The following CAPSL variants were observed in gnomAD, a reference collection of about 807,000 sequenced individuals.
CAPSL encodes the protein calcyphosin-like protein.
Under a neutral mutation model 21.3 loss-of-function variants are expected in CAPSL, and 17 were observed. The observed-to-expected ratio is 0.80, with a 90% confidence interval of 0.55 to 1.20. The LOEUF (loss-of-function observed/expected upper bound fraction) is 1.20. CAPSL is among the 50% of genes most tolerant of loss of function. The probability of loss-of-function intolerance (pLI) is 0.00; values close to 1 mark genes in which losing one functional copy is unlikely to be tolerated. For synonymous variants in CAPSL, 102 were observed against 89.3 expected, an observed-to-expected ratio of 1.14 and a Z score of -0.80; for missense variants, 289 against 259.3, an observed-to-expected ratio of 1.11 and a Z score of -0.79.
At chr5:35,919,224 G>A (rs1214450281) in intron 2 of CAPSL, among the ~76,000 whole-genome samples, 3 of 148,290 alleles carry the variant, frequency 2.0e-5, no homozygotes, top group South Asian at 2.1e-4. Context: ...TCTCAGGAAC[G>A]GATAGCATTC....
intron 2 of CAPSL, among the ~76,000 whole-genome samples, chr5:35,920,028 T>A (rs113631942): frequency 0.016 from 2,502 of 152,254 alleles, 63 homozygotes; most frequent in African/African-American, 0.048. Flanking sequence ...GGTGCTGGTC[T>A]TCCCATTGGA....
intron 2 of CAPSL, among the ~76,000 whole-genome samples, chr5:35,919,088 T>C (rs1460893661): frequency 6.6e-6 from 1 of 150,782 alleles, no homozygotes; most frequent in African/African-American, 2.4e-5. Flanking sequence ...AAAATGACTT[T>C]TGTTTTGTTT....
intron 1 of CAPSL, among the ~76,000 whole-genome samples, chr5:35,929,732 G>A (rs1254509607): frequency 6.6e-6 from 1 of 152,184 alleles, no homozygotes; most frequent in Non-Finnish European, 1.5e-5. Flanking sequence ...ATGCTTTGGA[G>A]TGCTGCTAGA....
intron 2 of CAPSL, among the ~76,000 whole-genome samples, chr5:35,919,091 T>C (rs905571338): frequency 2.0e-5 from 3 of 150,640 alleles, no homozygotes; most frequent in Admixed American, 1.3e-4. Context: ...ATGACTTTTG[T>C]TTTGTTTGGA....
intron 3 of CAPSL, 90 bp downstream of exon 3, chr5:35,910,276 A>C: frequency 7.1e-7 from 1 of 1,413,970 alleles, no homozygotes; most frequent in Non-Finnish European, 9.7e-7. Context: ...CAGTGTACTA[A>C]CAACTTGTAA....
chr5:35,916,249 G>A (rs572997005), intron 2 of CAPSL, among the ~76,000 whole-genome samples: 14 of 151,980 alleles, frequency 9.2e-5, no homozygotes, highest in African/African-American at 3.4e-4. Context: ...CCATGCTCAT[G>A]GGTAGGAAGA....
intron 2 of CAPSL, among the ~76,000 whole-genome samples, chr5:35,912,392 G>T (rs1417866525): frequency 1.3e-5 from 2 of 152,226 alleles, no homozygotes; most frequent in Non-Finnish European, 2.9e-5. Context: ...CTTGAGATCT[G>T]ATAATGGACA....
In CAPSL at chr5:35,904,376, C is replaced by T. The variant is rs1286417204; in HGVS notation, c.*169G>A. 3.3e-6 allele frequency: 2 copies of T among 613,094 alleles called. No individual in the cohort carries two copies. The highest frequency in any genetic ancestry group is 5.8e-6 in the Non-Finnish European group (2 of 343,852). The allele number at this position is 613,094 out of a possible 1,614,324, so 38.0% of individuals were successfully genotyped here. A position where few individuals can be genotyped will look rare whatever the true frequency, so the allele number is the denominator to read the frequency against. On this transcript the variant is annotated 3_prime_UTR_variant, in exon 5 of 5. Transcript: ENST00000651391. ...CAAGGCAAACTCACAGTTGGCTACT[C>T]AATGTCTTTTATTTCTGCCTGTTTT...
intron 1 of CAPSL, among the ~76,000 whole-genome samples, chr5:35,933,546 C>A (rs2149934443): frequency 6.6e-6 from 1 of 152,248 alleles, no homozygotes; most frequent in East Asian, 1.9e-4. Context: ...ACAGGGCACT[C>A]ATTTATAAAA....
intron 1 of CAPSL, among the ~76,000 whole-genome samples, chr5:35,927,713 T>C (rs907108041): frequency 6.6e-6 from 1 of 152,206 alleles, no homozygotes; most frequent in African/African-American, 2.4e-5. Context: ...TAAGACTTGG[T>C]GGACCTTTCA....
chr5:35,928,365 GAATA>G (rs1738736484), intron 1 of CAPSL, among the ~76,000 whole-genome samples: 1 of 152,172 alleles, frequency 6.6e-6, no homozygotes, highest in South Asian at 2.1e-4. Context: ...GCTAGGAAGT[GAATA>G]AATAGTGATG....
intron 2 of CAPSL, among the ~76,000 whole-genome samples, chr5:35,914,821 T>C (rs374373381): frequency 6.6e-6 from 1 of 151,912 alleles, no homozygotes; most frequent in South Asian, 2.1e-4. Context: ...AGAGCAAACA[T>C]ATTCAAAAGC....
At chr5:35,937,571 T>A (rs888227731) in intron 1 of CAPSL, among the ~76,000 whole-genome samples, 2 of 152,230 alleles carry the variant, frequency 1.3e-5, no homozygotes, top group African/African-American at 4.8e-5. Flanking sequence ...GACAATGTAA[T>A]TCGTTTTCGA....
At chr5:35,930,396 TATC>T (rs1489571316) in intron 1 of CAPSL, among the ~76,000 whole-genome samples, 1 of 152,222 alleles carries the variant, frequency 6.6e-6, no homozygotes, top group African/African-American at 2.4e-5. Flanking sequence ...ATTTTATAAA[TATC>T]ATTGTGATAA....
intron 2 of CAPSL, among the ~76,000 whole-genome samples, chr5:35,918,797 G>C (rs1171085336): frequency 6.6e-6 from 1 of 152,022 alleles, no homozygotes; most frequent in Admixed American, 6.5e-5. Context: ...AGCAATAATG[G>C]GTTGAATGAA....
intron 1 of CAPSL, among the ~76,000 whole-genome samples, chr5:35,922,338 T>C (rs187492834): frequency 2.0e-5 from 3 of 152,238 alleles, no homozygotes; most frequent in East Asian, 1.9e-4. Flanking sequence ...GAATAGACAA[T>C]TCAGGGATGC....
At chr5:35,919,170 A>ATATATATATATATATATATAT (rs1554069748) in intron 2 of CAPSL, among the ~76,000 whole-genome samples, 2 of 121,274 alleles carry the variant, frequency 1.6e-5, no homozygotes, top group African/African-American at 5.9e-5. Flanking sequence ...TAAAAAAAAA[A>ATATATATATATATATATATAT]ATATATATAT....
chr5:35,937,943 A>T (rs1352015773), intron 1 of CAPSL, among the ~76,000 whole-genome samples: 1 of 152,110 alleles, frequency 6.6e-6, no homozygotes, highest in African/African-American at 2.4e-5. Context: ...TTGTCCTTTA[A>T]TGAGAACGTA....
In CAPSL at chr5:35,904,705, G is replaced by A. The variant is rs562231163; in HGVS notation, c.526-59C>T. On this transcript the variant is annotated intron_variant, in intron 4 of 4. Transcript: ENST00000651391. ...TTTGCTTCTCACTCTGTCAATGGGC[G>A]CCCACCTTGTGCACCTGTAAATAGA... The A allele has an allele frequency of 9.1e-5, 145 of 1,601,492 alleles. 1 individual carries two copies. Among genetic ancestry groups the A allele is most frequent in the Admixed American group, 4.6e-4 (27 of 58,464 alleles).
Sources: allele counts gnomAD v4.1 joint callset (sites outside exome capture counted in the v4.1 genomes callset), GRCh38; gene constraint gnomAD v4.1.1; transcripts MANE v1.5; gene names NCBI Gene and HGNC (gene_info 2026-07-23, HGNC 2026-07-21).